Variants in VIPR1 observed in about 807,000 individuals in gnomAD.
VIPR1 encodes the protein vasoactive intestinal polypeptide receptor 1.
A neutral mutation model predicts 58.8 loss-of-function variants in VIPR1; 59 were observed. The observed-to-expected ratio is 1.00, with a 90% CI of 0.81 to 1.25. VIPR1 has a LOEUF of 1.25. VIPR1 is among the 50% of genes most tolerant of loss of function. The pLI is 0.00. For missense variants in VIPR1, 626 were observed against 602.7 expected (o/e 1.04, Z -0.40); for synonymous variants, 251 against 242.1 (o/e 1.04, Z -0.34).
chr3:42,506,655 G>A (rs1700132233), intron 1 of VIPR1: 1 of 151,954 alleles, frequency 6.6e-6, no homozygotes. Context: ...AGCCTCCCTA[G>A]GAGCTGAGAT....
At chr3:42,501,676 T>G (rs1699874078), upstream of VIPR1, among the ~76,000 whole-genome samples, 1 of 152,206 alleles carries the variant, frequency 6.6e-6, no homozygotes, top group African/African-American at 2.4e-5. This position sits in a 1 kb window ranked among gnomAD's most constrained non-coding sequence, Gnocchi z 4.8. Context: ...AGCCGCCCCT[T>G]GGAAGCTCAG....
chr3:42,514,764 C>T (rs1383367303), intron 2 of VIPR1, among the ~76,000 whole-genome samples: 2 of 152,126 alleles, frequency 1.3e-5, no homozygotes, highest in Non-Finnish European at 2.9e-5. Flanking sequence ...GAGAGCCCCA[C>T]CTGGCAGTGT....
At chr3:42,535,405 G>C in intron 12 of VIPR1, 21 bp downstream of exon 12, 1 of 1,613,392 alleles carries the variant, frequency 6.2e-7, no homozygotes, top group Non-Finnish European at 8.5e-7. Context: ...CCCAGTCCTT[G>C]GGGCTTAGGC....
chr3:42,527,905 C>T, intron 5 of VIPR1, 86 bp from the exon 6 acceptor site: 1 of 1,549,512 alleles, frequency 6.5e-7, no homozygotes, highest in Non-Finnish European at 8.8e-7. Context: ...TCCCCTGCCC[C>T]ACCCTTGCTC....
chr3:42,525,882 C>A lies in VIPR1; in HGVS notation c.293-5C>A, dbSNP rs555570968. ...CCTTTGTCCTTGCCCCTGCCCTCCA[C>A]CCAGGCCGCAATGTAAGCCGCAGCT... On this transcript the variant is annotated splice_polypyrimidine_tract_variant and splice_region_variant and intron_variant, in intron 3 of 12. Coordinates refer to ENST00000325123, the MANE Select transcript of VIPR1 (RefSeq NM_004624.4). The A allele has an allele frequency of 6.2e-7, 1 of 1,604,798 alleles. No individual in the cohort carries two copies. The highest frequency in any genetic ancestry group is 1.7e-5 in the Admixed American group (1 of 58,838).
At chr3:42,489,454 C>T (rs1272542098) in exon 1 of VIPR1, 1 of 152,196 alleles carries the variant, frequency 6.6e-6, no homozygotes, top group Non-Finnish European at 1.5e-5. Context: ...GGAGCCAGAG[C>T]GGAGTATAAG....
At chr3:42,524,521 C>CA (rs1165806415) in intron 3 of VIPR1, among the ~76,000 whole-genome samples, 6 of 152,180 alleles carry the variant, frequency 3.9e-5, no homozygotes, top group African/African-American at 9.7e-5. Context: ...CTGGCTGTCC[C>CA]ATCCCCACCC....
chr3:42,502,648 G>A lies in VIPR1; in HGVS notation c.-88G>A. 1.9e-6 allele frequency: 2 copies of A among 1,058,208 alleles called. No individual in the cohort carries two copies. The highest frequency in any genetic ancestry group is 2.4e-6 in the Non-Finnish European group (2 of 828,296). 65.6% of individuals were successfully genotyped at this position (1,058,208 alleles called of 1,614,324 possible). A position where few individuals can be genotyped will look rare whatever the true frequency, so the allele number is the denominator to read the frequency against. ...GGGGCCACAGCGCCAGCGCCACTCT[G>A]CCAGGCTCCCGGCCATCGCCCGCCT... On this transcript the variant is annotated 5_prime_UTR_variant, in exon 1 of 13. Transcript: ENST00000325123.
chr3:42,532,075 G>A (rs1429859788), intron 9 of VIPR1, 167 bp from the exon 10 acceptor site: 6 of 888,842 alleles, frequency 6.8e-6, no homozygotes, highest in Non-Finnish European at 1.1e-5. Context: ...GGATTTGAAG[G>A]AGGTAGAGTT....
At chr3:42,533,428 GAC>G (rs762038621) in intron 10 of VIPR1, 6 of 131,860 alleles carry the variant, frequency 4.6e-5, no homozygotes, top group Non-Finnish European at 6.5e-5. Flanking sequence ...GGCTGGGGGG[GAC>G]GGGGGGGGCA....
intron 1 of VIPR1, chr3:42,512,854 C>G (rs1472872245): frequency 2.0e-6 from 2 of 985,338 alleles, no homozygotes; most frequent in Non-Finnish European, 2.4e-6. Flanking sequence ...TCCATGGAGG[C>G]CTTCACCCAC....
At chr3:42,514,195 AT>A (rs1282299828) in intron 2 of VIPR1, among the ~76,000 whole-genome samples, 2 of 152,008 alleles carry the variant, frequency 1.3e-5, no homozygotes, top group Non-Finnish European at 1.5e-5. Context: ...CCAGGGTGCT[AT>A]GTGGTGGGGG....
chr3:42,527,573 C>A, intron 5 of VIPR1, 77 bp downstream of exon 5: 1 of 1,422,042 alleles, frequency 7.0e-7, no homozygotes, highest in Non-Finnish European at 9.8e-7. Flanking sequence ...CAGCGTGGCC[C>A]AGGCGTGCCC....
intron 1 of VIPR1, among the ~76,000 whole-genome samples, chr3:42,494,369 T>C (rs1361257674): frequency 1.3e-5 from 2 of 152,248 alleles, no homozygotes; most frequent in Non-Finnish European, 2.9e-5. Flanking sequence ...ACATTTCATC[T>C]TCTTCACTGC....
At chr3:42,530,713 C>T (rs547325177) in intron 6 of VIPR1, 66 bp from the exon 7 acceptor site, 94 of 1,559,844 alleles carry the variant, frequency 6.0e-5, no homozygotes, top group African/African-American at 6.8e-5. Context: ...CCCCCAGACA[C>T]GAGTGTGGGC....
At chr3:42,503,654 C>T (rs536307024) in intron 1 of VIPR1, among the ~76,000 whole-genome samples, 1 of 152,278 alleles carries the variant, frequency 6.6e-6, no homozygotes, top group South Asian at 2.1e-4. Flanking sequence ...GATCATCTCA[C>T]TCTAGAACAG....
upstream of VIPR1, among the ~76,000 whole-genome samples, chr3:42,501,601 G>T (rs1373011436): frequency 6.6e-6 from 1 of 152,228 alleles, no homozygotes; most frequent in Non-Finnish European, 1.5e-5. The surrounding 1 kb of genome is among the most constrained non-coding windows in gnomAD (Gnocchi z 4.8). Flanking sequence ...TGGTGACCCC[G>T]CTCCCCATGC....
At chr3:42,499,798 C>T (rs1699833126), upstream of VIPR1, among the ~76,000 whole-genome samples, 1 of 152,160 alleles carries the variant, frequency 6.6e-6, no homozygotes, top group Non-Finnish European at 1.5e-5. Flanking sequence ...TCCAAGAAGC[C>T]TTCCCAGATC....
chr3:42,513,529 C>G, intron 1 of VIPR1: 1 of 518,452 alleles, frequency 1.9e-6, no homozygotes, highest in South Asian at 2.7e-5. Flanking sequence ...ATGGGGGAGC[C>G]ATCAAGAAGC....
Sources: gnomAD v4.1 joint callset for allele counts (sites outside exome capture counted in the v4.1 genomes callset) on GRCh38, gnomAD v4.1.1 for gene constraint, Gnocchi (gnomAD v3.1) non-coding constraint, MANE v1.5 for transcripts, NCBI Gene and HGNC (gene_info 2026-07-23, HGNC 2026-07-21) for gene names.